Variants in LCA5 observed in about 807,000 individuals in gnomAD.
LCA5 encodes lebercilin.
In LCA5, 37 loss-of-function variants were observed where a neutral mutation model predicts 53.0. The ratio of observed to expected loss-of-function variants is 0.70; its 90% CI spans 0.54 to 0.92. LCA5 has a LOEUF of 0.92. Ranked by LOEUF, LCA5 falls within the 40% of genes least tolerant of loss-of-function variation. The pLI, the probability that LCA5 is intolerant of heterozygous loss-of-function variation, is 0.00. For synonymous variants in LCA5, 303 were observed against 282.9 expected (o/e 1.07, Z -0.71); for missense variants, 806 against 790.5 (o/e 1.02, Z -0.23).
At chr6:79,499,562 TA>T (rs1202545631) in intron 3 of LCA5, among the ~76,000 whole-genome samples, 5 of 151,388 alleles carry the variant, frequency 3.3e-5, no homozygotes, top group Non-Finnish European at 7.4e-5. Context: ...AAATATTTCA[TA>T]AAAAATATTA....
chr6:79,506,855 C>T (rs1770283785), intron 3 of LCA5, among the ~76,000 whole-genome samples: 1 of 152,166 alleles, frequency 6.6e-6, no homozygotes, highest in Non-Finnish European at 1.5e-5. Flanking sequence ...TTTGGAAAGT[C>T]TGTATAACTC....
At chr6:79,504,852 T>G (rs1354475874) in intron 3 of LCA5, among the ~76,000 whole-genome samples, 1 of 152,060 alleles carries the variant, frequency 6.6e-6, no homozygotes, top group African/African-American at 2.4e-5. Flanking sequence ...GTATATAACA[T>G]GATAATATGT....
chr6:79,515,590 A>T (rs942271813), intron 2 of LCA5, among the ~76,000 whole-genome samples: 8 of 152,246 alleles, frequency 5.3e-5, no homozygotes, highest in South Asian at 2.1e-4. Context: ...AATGATCTTT[A>T]ATCTACATGG....
Position 79,497,834 on chromosome 6 carries a change from G to GT in LCA5, c.721-4085dup, listed in dbSNP as rs534243004. On this transcript the variant is annotated intron_variant, in intron 3 of 7. Coordinates refer to ENST00000369846, the MANE Select transcript of LCA5 (RefSeq NM_001122769.3). The stretch of plus-strand genomic sequence containing the variant: ...CTAAAAATACAAAAATTAGCCAGGC[G>GT]TTGTGGTGCGCACCTGTAATTCCAG... 3.8e-4 allele frequency among the ~76,000 whole-genome samples: 57 copies of GT among 151,786 alleles called. No individual in the cohort carries two copies. The East Asian group carries it at 8.0e-3, about 21-fold the overall frequency.
At chr6:79,511,888 C>T (rs1397556439) in intron 3 of LCA5, among the ~76,000 whole-genome samples, 2 of 152,098 alleles carry the variant, frequency 1.3e-5, no homozygotes, top group Admixed American at 6.6e-5. Flanking sequence ...CCACAGGCTT[C>T]GTCCCACTTC....
In LCA5 at chr6:79,518,746, T is replaced by A; in HGVS notation, c.149A>T (p.Asn50Ile). ...GCCATCTGAAGTTTGTCTTTTAGGATTTTTTCTCCTAACACTTGCAGGTGA... is the reference window on the plus strand; with the variant it reads ...GCCATCTGAAGTTTGTCTTTTAGGAATTTTTCTCCTAACACTTGCAGGTGA... ...SSSPASVRRK[N>I]PKRQTSDGQV... Residue 50 changes from asparagine to isoleucine, a missense_variant, in exon 2 of 8, where the codon AAT (asparagine) becomes ATT (isoleucine). Asn to Ile is a moderately radical substitution (Grantham distance 149). Coordinates refer to ENST00000369846, the MANE Select transcript of LCA5 (RefSeq NM_001122769.3). 1 of 1,614,108 alleles carries A rather than the reference T, an allele frequency of 6.2e-7. No individual in the cohort carries two copies. The highest frequency in any genetic ancestry group is 8.5e-7 in the Non-Finnish European group (1 of 1,180,010).
chr6:79,513,568 G>T lies in LCA5; in HGVS notation c.364C>A (p.Leu122Ile), dbSNP rs372673582. The change falls in exon 3 of 8, where the codon CTC (leucine) becomes ATC (isoleucine). Residue 122 changes from leucine to isoleucine, a missense_variant. Coordinates refer to ENST00000369846, the MANE Select transcript of LCA5 (RefSeq NM_001122769.3). ...AGCAGCTCAGCTAACTTGACCTGGA[G>T]TTCAGATACTTCATTCTGCAACTCA... The part of the protein sequence containing the change: ...INELQNEVSE[L>I]QVKLAELLKE... 1 of 1,613,880 alleles carries T rather than the reference G, an allele frequency of 6.2e-7. No homozygotes were observed. Among genetic ancestry groups the T allele is most frequent in the African/African-American group, 1.3e-5 (1 of 75,018 alleles).
chr6:79,493,520 C>T, intron 4 of LCA5, 93 bp downstream of exon 4: 1 of 1,201,934 alleles, frequency 8.3e-7, no homozygotes, highest in Middle Eastern at 2.7e-4. Flanking sequence ...ATTGTACCAA[C>T]TTACAAATAT....
chr6:79,536,882 C>T lies in LCA5; in HGVS notation c.-192+283G>A, dbSNP rs913196921. On this transcript the variant is annotated intron_variant, in intron 1 of 7. Coordinates refer to ENST00000369846, the MANE Select transcript of LCA5 (RefSeq NM_001122769.3). ...GTCCCAGGAAGTAAATACCCTTTCC[C>T]AGCTCCTCTCCTCCTAACTTCCCAG... 2.2e-4 allele frequency among the ~76,000 whole-genome samples: 34 copies of T among 152,148 alleles called. 1 individual carries two copies. Among genetic ancestry groups the T allele is most frequent in the Admixed American group, 2.0e-3 (31 of 15,282 alleles).
intron 1 of LCA5, among the ~76,000 whole-genome samples, chr6:79,524,407 C>T (rs184993600): frequency 3.0e-4 from 45 of 152,318 alleles, no homozygotes; most frequent in Non-Finnish European, 4.1e-4. Flanking sequence ...TTACCTCACA[C>T]TTGTTACTTT....
At chr6:79,514,563 T>C (rs1766370362) in intron 2 of LCA5, among the ~76,000 whole-genome samples, 1 of 152,140 alleles carries the variant, frequency 6.6e-6, no homozygotes, top group Non-Finnish European at 1.5e-5. Context: ...CATGCACATG[T>C]ATGTTCACTG....
At chr6:79,506,020 T>C (rs1414339916) in intron 3 of LCA5, among the ~76,000 whole-genome samples, 3 of 152,136 alleles carry the variant, frequency 2.0e-5, no homozygotes, top group Admixed American at 1.3e-4. Context: ...GCAACACTTA[T>C]AATACACCTA....
intron 3 of LCA5, among the ~76,000 whole-genome samples, chr6:79,504,791 AT>A (rs1395472440): frequency 6.6e-6 from 1 of 152,114 alleles, no homozygotes; most frequent in Non-Finnish European, 1.5e-5. Flanking sequence ...CATGAGACTG[AT>A]TTTTTTCGTG....
chr6:79,531,874 AG>A (rs1222705916), intron 1 of LCA5, among the ~76,000 whole-genome samples: 1 of 152,074 alleles, frequency 6.6e-6, no homozygotes, highest in Non-Finnish European at 1.5e-5. Context: ...TGGAATACAC[AG>A]GGCAGCACAT....
rs930380820 is a variant in LCA5 at position 79,518,549 on chromosome 6, A to C, written c.190+156T>G. On this transcript the variant is annotated intron_variant, in intron 2 of 7. Transcript: ENST00000369846. ...TAGTACCATCAAGCAACATTTATAT[A>C]TACTTATAAGTATATAACCTATAAA... Among the ~76,000 whole-genome samples the C allele has an allele frequency of 3.3e-5, 5 of 152,116 alleles. No homozygotes were observed. The South Asian group carries it at 1.0e-3, about 32-fold the overall frequency.
In LCA5 at chr6:79,536,599, C is replaced by T. The variant is rs1317598314; in HGVS notation, c.-192+566G>A. Among the ~76,000 whole-genome samples, 4 of 152,194 alleles carry T rather than the reference C, an allele frequency of 2.6e-5. No individual in the cohort carries two copies. The South Asian group carries it at 8.3e-4, about 31-fold the overall frequency. The stretch of plus-strand genomic sequence containing the variant: ...TTTCTTTTATTTCTAACCATCTTTA[C>T]TCCTCTCATCCCATCCCTGAAGGAT... On this transcript the variant is annotated intron_variant, in intron 1 of 7. Transcript: ENST00000369846.
chr6:79,536,374 T>G (rs1053245839), intron 1 of LCA5, among the ~76,000 whole-genome samples: 2 of 152,132 alleles, frequency 1.3e-5, no homozygotes, highest in African/African-American at 4.8e-5. Context: ...GTTCTTAACG[T>G]GAAGATAAAG....
intron 1 of LCA5, among the ~76,000 whole-genome samples, chr6:79,522,365 T>C (rs1766649541): frequency 6.6e-6 from 1 of 152,026 alleles, no homozygotes; most frequent in South Asian, 2.1e-4. Context: ...GACACAATAA[T>C]ACTTCTGAAG....
At chr6:79,497,781 C>T (rs1378866670) in intron 3 of LCA5, among the ~76,000 whole-genome samples, 8 of 151,792 alleles carry the variant, frequency 5.3e-5, no homozygotes, top group African/African-American at 1.7e-4. Context: ...GAAACCAGCC[C>T]GACCAACATG....
Sources: gnomAD v4.1 joint callset for allele counts (sites outside exome capture counted in the v4.1 genomes callset) on GRCh38, gnomAD v4.1.1 for gene constraint, MANE v1.5 for transcripts, NCBI Gene and HGNC (gene_info 2026-07-23, HGNC 2026-07-21) for gene names.